Variants in PRKN observed in about 807,000 individuals in gnomAD.
PRKN encodes the protein E3 ubiquitin-protein ligase parkin.
A neutral mutation model predicts 59.5 loss-of-function variants in PRKN; 56 were observed. The ratio of observed to expected loss-of-function variants is 0.94; its 90% CI spans 0.76 to 1.18. The LOEUF is 1.18. Ranked by LOEUF, PRKN falls within the 50% of genes most tolerant of loss-of-function variation. The probability of loss-of-function intolerance (pLI) is 0.00; values close to 1 mark genes in which losing one functional copy is unlikely to be tolerated. For missense variants in PRKN, 657 were observed against 596.4 expected (o/e 1.10, Z -1.06); for synonymous variants, 250 against 222.1 (o/e 1.13, Z -1.12).
chr6:162,447,311 G>A (rs1790365036), intron 1 of PRKN, among the ~76,000 whole-genome samples: 1 of 152,054 alleles, frequency 6.6e-6, no homozygotes, highest in African/African-American at 2.4e-5. Context: ...TCCTCTTGGT[G>A]GACAGAAAAC....
rs1165944949 is a variant in PRKN, at chr6:161,413,316, C to G, written c.1084-26439G>C. Among the ~76,000 whole-genome samples, 1 of 152,122 alleles carries G rather than the reference C, an allele frequency of 6.6e-6. No homozygotes were observed. The highest frequency in any genetic ancestry group is 1.5e-5 in the Non-Finnish European group (1 of 68,034). ...GTTCCACTGCCAGGGTCCTGTCCTC[C>G]CTCCGCTTTCCCTTCACTTCCTGAG... is the stretch of plus-strand genomic sequence containing the variant. On this transcript the variant is annotated intron_variant, in intron 9 of 11. Transcript: ENST00000366898. The surrounding 1 kb of genome is among the most constrained non-coding windows in gnomAD (Gnocchi z 4.4).
rs1200645088 is a variant in PRKN at position 161,549,441 on chromosome 6, C to A, written c.934-438G>T. Among the ~76,000 whole-genome samples, 1 of 152,112 alleles carries A rather than the reference C, an allele frequency of 6.6e-6. No individual in the cohort carries two copies. The highest frequency in any genetic ancestry group is 2.4e-5 in the African/African-American group (1 of 41,420). The stretch of plus-strand genomic sequence containing the variant: ...TATTGTCATGCCTCTATTTAAAATT[C>A]AACAAGGTTTTATATTTATTTTGAA... On this transcript the variant is annotated intron_variant, in intron 8 of 11. Transcript: ENST00000366898. The surrounding 1 kb of genome is among the most constrained non-coding windows in gnomAD (Gnocchi z 6.0).
rs998127544 is a variant in PRKN at position 161,385,972 on chromosome 6, G to T, written c.1167+822C>A. Reference sequence around the variant, plus strand: ...ACTCATCTGCAGAATTCCATATAGGGATACACTTATTCATGCTCTGATTTT... The same window carrying T: ...ACTCATCTGCAGAATTCCATATAGGTATACACTTATTCATGCTCTGATTTT... On this transcript the variant is annotated intron_variant, in intron 10 of 11. Coordinates refer to ENST00000366898, the MANE Select transcript of PRKN (RefSeq NM_004562.3). The surrounding 1 kb of genome is among the most constrained non-coding windows in gnomAD (Gnocchi z 4.9). 6.6e-6 allele frequency among the ~76,000 whole-genome samples: 1 copy of T among 152,054 alleles called. No individual in the cohort carries two copies. The highest frequency in any genetic ancestry group is 2.4e-5 in the African/African-American group (1 of 41,392).
At chr6:162,170,246 T>C (rs942825560) in intron 4 of PRKN, among the ~76,000 whole-genome samples, 11 of 152,206 alleles carry the variant, frequency 7.2e-5, no homozygotes, top group Admixed American at 1.3e-4. Flanking sequence ...GGAAAGAAGA[T>C]TGTGGAAAAT....
intron 7 of PRKN, among the ~76,000 whole-genome samples, chr6:161,749,027 A>T (rs966816606): frequency 1.4e-4 from 22 of 152,188 alleles, no homozygotes; most frequent in African/African-American, 4.3e-4. Flanking sequence ...GGAGAGATGG[A>T]AGGTTGGCAA....
chr6:162,226,116 G>A (rs983352779), intron 3 of PRKN, among the ~76,000 whole-genome samples: 3 of 149,998 alleles, frequency 2.0e-5, no homozygotes, highest in African/African-American at 7.3e-5. Context: ...ATCAAACTGG[G>A]CAGGTTAGAA....
chr6:162,093,531 A>T (rs1187311433), intron 4 of PRKN, among the ~76,000 whole-genome samples: 1 of 152,188 alleles, frequency 6.6e-6, no homozygotes, highest in African/African-American at 2.4e-5. Flanking sequence ...TCTAAGAAAG[A>T]TACAGACCCA....
At chr6:161,929,297 G>A (rs1224830277) in intron 6 of PRKN, among the ~76,000 whole-genome samples, 1 of 152,092 alleles carries the variant, frequency 6.6e-6, no homozygotes, top group Non-Finnish European at 1.5e-5. Flanking sequence ...AAATAGCTTA[G>A]TGATTGCCAG....
intron 3 of PRKN, among the ~76,000 whole-genome samples, chr6:162,210,235 C>T (rs1331825779): frequency 6.6e-6 from 1 of 152,114 alleles, no homozygotes. Flanking sequence ...GTTCTCTCAT[C>T]TGCAATTATA....
rs1489331688 is a variant in PRKN at position 161,456,718 on chromosome 6, G to A, written c.1084-69841C>T. 2.6e-5 allele frequency among the ~76,000 whole-genome samples: 4 copies of A among 152,162 alleles called. No individual in the cohort carries two copies. The highest frequency in any genetic ancestry group is 6.5e-5 in the Admixed American group (1 of 15,282). On this transcript the variant is annotated intron_variant, in intron 9 of 11. Coordinates refer to ENST00000366898, the MANE Select transcript of PRKN (RefSeq NM_004562.3). The surrounding 1 kb of genome is among the most constrained non-coding windows in gnomAD (Gnocchi z 4.8). ...AAAGAAAGCTGCTCTTTGGGTTTGC[G>A]AATGCTGACCTGGGTCTGCTTTGTA... is the stretch of plus-strand genomic sequence containing the variant.
intron 9 of PRKN, among the ~76,000 whole-genome samples, chr6:161,403,443 C>T (rs765128231): frequency 3.3e-5 from 5 of 152,168 alleles, no homozygotes; most frequent in Non-Finnish European, 7.3e-5. Context: ...GGGCCCTTTA[C>T]TGTTGTCCTG....
chr6:161,811,132 C>T (rs1181778223), intron 6 of PRKN, among the ~76,000 whole-genome samples: 1 of 152,014 alleles, frequency 6.6e-6, no homozygotes, highest in Admixed American at 6.5e-5. Context: ...CTGTATTAGC[C>T]AAAGCAATTC....
chr6:162,672,175 A>C (rs958485814), intron 1 of PRKN, among the ~76,000 whole-genome samples: 1 of 152,208 alleles, frequency 6.6e-6, no homozygotes, highest in African/African-American at 2.4e-5. Context: ...TCAAAAAAAC[A>C]AAAAATACAC....
Position 161,589,211 on chromosome 6 carries a change from G to A in PRKN, c.872-19795C>T, listed in dbSNP as rs190596973. Among the ~76,000 whole-genome samples, 66 of 152,346 alleles carry A rather than the reference G, an allele frequency of 4.3e-4. No individual in the cohort carries two copies. The East Asian group carries it at 0.011, about 25-fold the overall frequency. ...CTGCAGAAGCCAGGGTAAGGAGGAC[G>A]CGCAGAGACGCCCCGCTGCTGAGAG... On this transcript the variant is annotated intron_variant, in intron 7 of 11. Coordinates refer to ENST00000366898, the MANE Select transcript of PRKN (RefSeq NM_004562.3).
At chr6:162,586,029 C>A (rs1781038363) in intron 1 of PRKN, among the ~76,000 whole-genome samples, 1 of 152,040 alleles carries the variant, frequency 6.6e-6, no homozygotes, top group Non-Finnish European at 1.5e-5. Flanking sequence ...AACACATCAA[C>A]CTGATTAATA....
intron 1 of PRKN, among the ~76,000 whole-genome samples, chr6:162,657,958 T>C (rs766790727): frequency 9.2e-5 from 14 of 152,214 alleles, no homozygotes; most frequent in Non-Finnish European, 1.8e-4. Flanking sequence ...ATAGGTATTT[T>C]AGAATTCTTA....
intron 7 of PRKN, among the ~76,000 whole-genome samples, chr6:161,763,234 G>A (rs1166000262): frequency 6.6e-6 from 1 of 152,134 alleles, no homozygotes; most frequent in Non-Finnish European, 1.5e-5. Context: ...TGTGAGCCGT[G>A]AGTTGGCACG....
At chr6:162,357,483 A>T (rs9356010) in intron 2 of PRKN, among the ~76,000 whole-genome samples, 100,386 of 152,118 alleles carry the variant, frequency 0.66, 34,576 homozygotes, top group African/African-American at 0.86. Flanking sequence ...AGAACACTGA[A>T]AACAGCCAAT....
intron 9 of PRKN, among the ~76,000 whole-genome samples, chr6:161,489,331 A>T (rs1252447965): frequency 1.3e-5 from 2 of 152,000 alleles, no homozygotes; most frequent in Non-Finnish European, 2.9e-5. Flanking sequence ...AGGCCGAGGT[A>T]GGTGGATCAC....
Sources: allele counts gnomAD v4.1 joint callset (sites outside exome capture counted in the v4.1 genomes callset), GRCh38; gene constraint gnomAD v4.1.1; non-coding constraint Gnocchi (gnomAD v3.1); transcripts MANE v1.5; gene names NCBI Gene and HGNC (gene_info 2026-07-23, HGNC 2026-07-21).